Variants in NTM observed in about 807,000 individuals in gnomAD.
NTM encodes the protein IgLON family member 2.
A neutral mutation model predicts 42.1 loss-of-function variants in NTM; 13 were observed. The observed-to-expected ratio is 0.31, with a 90% CI of 0.20 to 0.49. NTM has a LOEUF of 0.49. NTM is among the 20% of genes least tolerant of loss of function. The pLI is 0.99. For missense variants in NTM, 373 were observed against 452.8 expected, an observed-to-expected ratio of 0.82 and a Z score of 1.60; for synonymous variants, 187 against 179.2, an observed-to-expected ratio of 1.04 and a Z score of -0.35.
At chr11:131,941,680 T>C (rs2059808107) in intron 2 of NTM, among the ~76,000 whole-genome samples, 1 of 152,222 alleles carries the variant, frequency 6.6e-6, no homozygotes, top group Non-Finnish European at 1.5e-5. Context: ...GTCAGGAAGA[T>C]TGGGATAACC....
intron 1 of NTM, among the ~76,000 whole-genome samples, chr11:131,389,057 A>G (rs1182102754): frequency 6.6e-6 from 1 of 151,992 alleles, no homozygotes; most frequent in Non-Finnish European, 1.5e-5. Context: ...AAGGAAAAAG[A>G]AAGATGGTGG....
intron 1 of NTM, among the ~76,000 whole-genome samples, chr11:131,519,351 G>C (rs184163350): frequency 6.6e-6 from 1 of 151,002 alleles, no homozygotes; most frequent in East Asian, 2.0e-4. Flanking sequence ...TTTATTTCTG[G>C]GTTAGCACCT....
intron 4 of NTM, among the ~76,000 whole-genome samples, chr11:132,268,230 T>G (rs1197663386): frequency 6.6e-6 from 1 of 152,228 alleles, no homozygotes; most frequent in African/African-American, 2.4e-5. Flanking sequence ...AAAGGTAGAC[T>G]TCTAGAATCC....
intron 1 of NTM, among the ~76,000 whole-genome samples, chr11:131,431,645 T>G (rs1450961409): frequency 6.6e-6 from 1 of 152,222 alleles, no homozygotes; most frequent in Non-Finnish European, 1.5e-5. Context: ...CACTCATGAT[T>G]GCAGTAAATA....
chr11:132,169,760 G>T lies in NTM; in HGVS notation c.400+23246G>T, dbSNP rs76168651. ...TGAGAAAAGAAATGCAAGTCAACATGTATGGAGCTTCTCTGGCAGGACTGG... is the reference window on the plus strand; with the variant it reads ...TGAGAAAAGAAATGCAAGTCAACATTTATGGAGCTTCTCTGGCAGGACTGG... On this transcript the variant is annotated intron_variant, in intron 3 of 8. Coordinates refer to ENST00000683400, the MANE Select transcript of NTM (RefSeq NM_001352005.2). Among the ~76,000 whole-genome samples, 438 of 152,274 alleles carry T rather than the reference G, an allele frequency of 2.9e-3. No homozygotes were observed. The Middle Eastern group carries it at 0.034, about 12-fold the overall frequency.
At chr11:131,418,591 C>A (rs76139198) in intron 1 of NTM, among the ~76,000 whole-genome samples, 1,572 of 152,262 alleles carry the variant, frequency 0.01, 16 homozygotes, top group African/African-American at 0.036. Context: ...GGATTAGGGG[C>A]ACCATGATTA....
At chr11:132,319,453 G>A (rs1351769363) in intron 7 of NTM, among the ~76,000 whole-genome samples, 1 of 152,120 alleles carries the variant, frequency 6.6e-6, no homozygotes, top group Non-Finnish European at 1.5e-5. Context: ...CTTAAAAAAC[G>A]GCACACCAAG....
intron 1 of NTM, among the ~76,000 whole-genome samples, chr11:131,520,957 C>T (rs746037273): frequency 7.2e-5 from 11 of 151,946 alleles, no homozygotes; most frequent in Non-Finnish European, 1.6e-4. Flanking sequence ...AGGAAGCTTC[C>T]GATCATGATG....
intron 3 of NTM, among the ~76,000 whole-genome samples, chr11:132,160,125 A>G (rs1428913218): frequency 6.6e-6 from 1 of 152,310 alleles, no homozygotes; most frequent in East Asian, 1.9e-4. Context: ...ACTGATACTC[A>G]CTGAGGCATG....
At chr11:131,454,928 AACAC>A (rs2136070599) in intron 1 of NTM, among the ~76,000 whole-genome samples, 1 of 152,232 alleles carries the variant, frequency 6.6e-6, no homozygotes, top group African/African-American at 2.4e-5. Flanking sequence ...GCAAAAGATA[AACAC>A]ACAGAGGAGA....
chr11:131,795,578 C>T (rs1279574399), intron 1 of NTM: 1 of 985,310 alleles, frequency 1.0e-6, no homozygotes, highest in Non-Finnish European at 1.2e-6. Context: ...TAACGGGAGT[C>T]CCCGCGAGAA....
intron 1 of NTM, among the ~76,000 whole-genome samples, chr11:131,871,620 A>G (rs185859035): frequency 6.6e-6 from 1 of 152,356 alleles, no homozygotes; most frequent in Non-Finnish European, 1.5e-5. Flanking sequence ...GTTTATCAAT[A>G]TGAATACTTT....
At chr11:131,612,419 A>AGT (rs1192562018) in intron 1 of NTM, among the ~76,000 whole-genome samples, 1 of 152,240 alleles carries the variant, frequency 6.6e-6, no homozygotes, top group East Asian at 1.9e-4. Flanking sequence ...AACTGTGGAG[A>AGT]GTGCTCCTCG....
At chr11:132,307,212 T>A (rs974710860) in intron 4 of NTM, among the ~76,000 whole-genome samples, 3 of 152,194 alleles carry the variant, frequency 2.0e-5, no homozygotes, top group Non-Finnish European at 4.4e-5. Flanking sequence ...ACCTTTGTGA[T>A]GCACGTGTGT....
At chr11:131,511,161 G>C (rs1211105433) in intron 1 of NTM, among the ~76,000 whole-genome samples, 3 of 146,376 alleles carry the variant, frequency 2.0e-5, no homozygotes. Flanking sequence ...GGAGCTCATC[G>C]TACACTCCTC....
intron 2 of NTM, among the ~76,000 whole-genome samples, chr11:132,071,023 T>C (rs1191480892): frequency 7.2e-6 from 1 of 138,806 alleles, no homozygotes; most frequent in East Asian, 2.2e-4. Context: ...CACAGGTTGG[T>C]TAACACGTCA....
chr11:131,853,692 G>A (rs11222818), intron 1 of NTM, among the ~76,000 whole-genome samples: 13,039 of 152,194 alleles, frequency 0.086, 613 homozygotes, highest in East Asian at 0.18. Flanking sequence ...GAATAGTGCT[G>A]CAATAAACAT....
intron 2 of NTM, among the ~76,000 whole-genome samples, chr11:132,140,287 G>T (rs2068826533): frequency 6.6e-6 from 1 of 152,156 alleles, no homozygotes; most frequent in Admixed American, 6.5e-5. Flanking sequence ...ACAGTGCAGT[G>T]TGTGTGCTGC....
intron 2 of NTM, among the ~76,000 whole-genome samples, chr11:131,968,060 G>T (rs369648639): frequency 1.3e-5 from 2 of 152,150 alleles, no homozygotes; most frequent in African/African-American, 2.4e-5. Context: ...GTGCCTACAC[G>T]TGCTAGCTAG....
Sources: allele counts gnomAD v4.1 joint callset (sites outside exome capture counted in the v4.1 genomes callset), GRCh38; gene constraint gnomAD v4.1.1; transcripts MANE v1.5; gene names NCBI Gene and HGNC (gene_info 2026-07-23, HGNC 2026-07-21).